The following SBF2 variants were observed in gnomAD, a reference collection of about 807,000 sequenced individuals.
The protein encoded by SBF2 is SET binding factor 2.
In SBF2, 112 loss-of-function variants were observed where a neutral mutation model predicts 225.2. The observed-to-expected ratio is 0.50, with a 90% CI of 0.43 to 0.58. The LOEUF (loss-of-function observed/expected upper bound fraction) is 0.58. Among genes scored for constraint, SBF2 ranks in the 20% least tolerant of loss-of-function variants. The pLI is 0.00. For synonymous variants in SBF2, 763 were observed against 773.3 expected (o/e 0.99, Z 0.22); for missense variants, 1,996 against 2,206.2 (o/e 0.90, Z 1.91).
intron 13 of SBF2, among the ~76,000 whole-genome samples, chr11:9,983,171 G>C (rs1947031755): frequency 6.6e-6 from 1 of 152,208 alleles, no homozygotes; most frequent in Non-Finnish European, 1.5e-5. Flanking sequence ...ATAGCCTCGG[G>C]CAAGTTTTCA....
intron 2 of SBF2, among the ~76,000 whole-genome samples, chr11:10,109,816 C>G (rs1006112588): frequency 6.6e-6 from 1 of 152,146 alleles, no homozygotes; most frequent in Non-Finnish European, 1.5e-5. Flanking sequence ...GAATGGTCAC[C>G]TAAAACATCT....
chr11:10,190,208 T>C (rs1957109613), intron 2 of SBF2, among the ~76,000 whole-genome samples: 2 of 152,016 alleles, frequency 1.3e-5, no homozygotes, highest in Non-Finnish European at 2.9e-5. Flanking sequence ...TTTAATTCTT[T>C]AAGCTGTTTA....
intron 17 of SBF2, among the ~76,000 whole-genome samples, chr11:9,878,485 T>TG (rs1859475349): frequency 6.6e-6 from 1 of 152,228 alleles, no homozygotes; most frequent in African/African-American, 2.4e-5. Flanking sequence ...ATGGCCTGAA[T>TG]GGTATTGCCT....
intron 1 of SBF2, among the ~76,000 whole-genome samples, chr11:10,232,683 C>G (rs906145310): frequency 6.6e-6 from 1 of 151,768 alleles, no homozygotes. Flanking sequence ...CCTGTCTCAG[C>G]CTCCTGAGCA....
chr11:9,828,469 C>T, intron 28 of SBF2: 1 of 985,376 alleles, frequency 1.0e-6, no homozygotes. Context: ...TGGAGCAAGG[C>T]ATGCATGGTG....
chr11:10,155,180 T>C (rs1955405505), intron 2 of SBF2, among the ~76,000 whole-genome samples: 2 of 152,240 alleles, frequency 1.3e-5, no homozygotes, highest in Admixed American at 6.5e-5. Context: ...CATATAGTTG[T>C]AATTCAGTAA....
chr11:10,018,624 C>CA (rs1009816247), intron 6 of SBF2, among the ~76,000 whole-genome samples: 44 of 152,082 alleles, frequency 2.9e-4, no homozygotes, highest in African/African-American at 1.1e-3. Context: ...CAAAAAAGGA[C>CA]AATGGGCAGG....
At chr11:9,928,263 A>G (rs1418627924) in intron 16 of SBF2, among the ~76,000 whole-genome samples, 1 of 152,228 alleles carries the variant, frequency 6.6e-6, no homozygotes, top group Non-Finnish European at 1.5e-5. Flanking sequence ...GGTAATAAGA[A>G]AACAAACAAC....
At chr11:9,886,598 CTCTTT>C (rs1264901314) in intron 17 of SBF2, among the ~76,000 whole-genome samples, 1 of 144,920 alleles carries the variant, frequency 6.9e-6, no homozygotes, top group African/African-American at 2.5e-5. Context: ...GGATTTCTGC[CTCTTT>C]TTTTTTGAGA....
chr11:10,082,338 A>G (rs1156712534), intron 2 of SBF2, among the ~76,000 whole-genome samples: 7 of 152,232 alleles, frequency 4.6e-5, no homozygotes, highest in Non-Finnish European at 1.5e-5. Context: ...AAACTGTTCA[A>G]AAAATTAATG....
intron 17 of SBF2, among the ~76,000 whole-genome samples, chr11:9,880,315 T>G (rs1401955187): frequency 6.6e-6 from 1 of 152,170 alleles, no homozygotes; most frequent in East Asian, 1.9e-4. Flanking sequence ...AAGCCAACAT[T>G]TTAAACTGAA....
intron 1 of SBF2, among the ~76,000 whole-genome samples, chr11:10,258,803 A>G (rs1282563542): frequency 7.0e-6 from 1 of 141,978 alleles, no homozygotes; most frequent in East Asian, 3.2e-4. Flanking sequence ...CAAATAAGAT[A>G]TATCTTTAAA....
intron 16 of SBF2, among the ~76,000 whole-genome samples, chr11:9,896,990 A>T (rs1861320187): frequency 1.3e-5 from 2 of 152,158 alleles, no homozygotes; most frequent in African/African-American, 4.8e-5. Flanking sequence ...GAATTACTGT[A>T]TATTACAGTT....
chr11:10,182,899 G>A (rs529371169), intron 2 of SBF2, among the ~76,000 whole-genome samples: 2 of 151,974 alleles, frequency 1.3e-5, no homozygotes, highest in Admixed American at 6.5e-5. Flanking sequence ...TCAGCCTCCC[G>A]AGTAGCTGGG....
intron 16 of SBF2, among the ~76,000 whole-genome samples, chr11:9,908,931 T>A (rs1163684267): frequency 6.6e-6 from 1 of 150,970 alleles, no homozygotes; most frequent in Non-Finnish European, 1.5e-5. Context: ...CAAGCGATCC[T>A]CTCACCTCAG....
intron 2 of SBF2, among the ~76,000 whole-genome samples, chr11:10,153,025 T>G (rs1955290747): frequency 6.6e-6 from 1 of 152,192 alleles, no homozygotes. Context: ...GAAAAATAAC[T>G]TATAGGCAAA....
chr11:10,129,437 T>C (rs1325146116), intron 2 of SBF2, among the ~76,000 whole-genome samples: 1 of 152,136 alleles, frequency 6.6e-6, no homozygotes, highest in African/African-American at 2.4e-5. Flanking sequence ...AATCAACAGC[T>C]ATATATCAAA....
intron 21 of SBF2, among the ~76,000 whole-genome samples, chr11:9,851,600 T>C (rs1237973452): frequency 3.3e-5 from 5 of 152,208 alleles, no homozygotes; most frequent in African/African-American, 4.8e-5. Context: ...GTTTATTTTT[T>C]ACTAAGCAAT....
chr11:9,829,529 C>A, intron 27 of SBF2, 33 bp from the exon 28 acceptor site: 1 of 1,545,434 alleles, frequency 6.5e-7, no homozygotes, highest in South Asian at 1.1e-5. Context: ...ATAAAATAAA[C>A]TGTCTCTGTG....
Sources: allele counts gnomAD v4.1 joint callset (sites outside exome capture counted in the v4.1 genomes callset), GRCh38; gene constraint gnomAD v4.1.1; transcripts MANE v1.5; gene names NCBI Gene and HGNC (gene_info 2026-07-23, HGNC 2026-07-21).